The following TMEM132D variants were observed in gnomAD, a reference collection of about 807,000 sequenced individuals.
TMEM132D encodes mature OL transmembrane protein.
A neutral mutation model predicts 62.3 loss-of-function variants in TMEM132D; 21 were observed. The ratio of observed to expected loss-of-function variants is 0.34; its 90% confidence interval spans 0.24 to 0.49. TMEM132D has a LOEUF of 0.49. TMEM132D is among the 20% of genes least tolerant of loss of function. TMEM132D has a pLI of 0.99. For missense variants in TMEM132D, 1,346 were observed against 1,402.8 expected (o/e 0.96, Z 0.65); for synonymous variants, 621 against 575.6 (o/e 1.08, Z -1.13).
chr12:129,257,341 G>C (rs1880434041), intron 4 of TMEM132D, among the ~76,000 whole-genome samples: 1 of 151,854 alleles, frequency 6.6e-6, no homozygotes, highest in African/African-American at 2.4e-5. Context: ...CGAGTAGCTG[G>C]GACTACAGGC....
At chr12:129,495,439 C>A (rs1042843760) in intron 3 of TMEM132D, among the ~76,000 whole-genome samples, 3 of 152,130 alleles carry the variant, frequency 2.0e-5, no homozygotes, top group East Asian at 3.9e-4. Flanking sequence ...CAGAGGGTTA[C>A]ACAGCAGATG....
intron 4 of TMEM132D, among the ~76,000 whole-genome samples, chr12:129,231,558 T>C (rs2135578873): frequency 6.6e-6 from 1 of 152,340 alleles, no homozygotes; most frequent in South Asian, 2.1e-4. Context: ...GTCCACACTA[T>C]AACCACTTTG....
chr12:129,886,442 A>AT (rs1874750678), intron 1 of TMEM132D, among the ~76,000 whole-genome samples: 1 of 152,296 alleles, frequency 6.6e-6, no homozygotes, highest in African/African-American at 2.4e-5. Context: ...ATATCAGAAA[A>AT]TATACAGACG....
intron 2 of TMEM132D, among the ~76,000 whole-genome samples, chr12:129,611,935 C>A (rs1173975259): frequency 6.6e-6 from 1 of 152,128 alleles, no homozygotes; most frequent in African/African-American, 2.4e-5. Flanking sequence ...GAGAAACATC[C>A]CCAAGTCTCA....
intron 4 of TMEM132D, among the ~76,000 whole-genome samples, chr12:129,231,704 T>C (rs1399393944): frequency 1.3e-5 from 2 of 152,168 alleles, no homozygotes; most frequent in Admixed American, 6.5e-5. Flanking sequence ...GCTGAGGTCG[T>C]GGGTTCAATC....
intron 4 of TMEM132D, among the ~76,000 whole-genome samples, chr12:129,326,473 A>G (rs1013214012): frequency 6.6e-6 from 1 of 152,232 alleles, no homozygotes; most frequent in African/African-American, 2.4e-5. Context: ...AAAGAAGTAC[A>G]CTGCTTTGTG....
chr12:129,620,661 G>A (rs1879040468), intron 2 of TMEM132D, among the ~76,000 whole-genome samples: 5 of 152,170 alleles, frequency 3.3e-5, no homozygotes, highest in African/African-American at 1.2e-4. Flanking sequence ...ACAAGATCAT[G>A]TCCTTTGCAG....
intron 3 of TMEM132D, among the ~76,000 whole-genome samples, chr12:129,381,517 G>A (rs539247346): frequency 6.6e-6 from 1 of 152,178 alleles, no homozygotes; most frequent in Admixed American, 6.5e-5. Flanking sequence ...CATCTCATAG[G>A]TAAATTTTTA....
At chr12:129,553,608 T>C (rs1260624320) in intron 2 of TMEM132D, among the ~76,000 whole-genome samples, 4 of 152,174 alleles carry the variant, frequency 2.6e-5, no homozygotes, top group Admixed American at 2.6e-4. Context: ...GTTCCCACCA[T>C]GACTGTTTTC....
chr12:129,341,056 T>C (rs1195836377), intron 3 of TMEM132D, among the ~76,000 whole-genome samples: 1 of 152,232 alleles, frequency 6.6e-6, no homozygotes, highest in Non-Finnish European at 1.5e-5. Context: ...TATCTTAGTG[T>C]GACAGTGGGA....
chr12:129,126,452 G>A (rs1207088118), intron 5 of TMEM132D, among the ~76,000 whole-genome samples: 1 of 150,920 alleles, frequency 6.6e-6, no homozygotes, highest in Admixed American at 6.6e-5. Context: ...GAGAAACATC[G>A]AGAGCAGTGT....
At chr12:129,134,819 A>G (rs987844727) in intron 5 of TMEM132D, among the ~76,000 whole-genome samples, 2 of 152,130 alleles carry the variant, frequency 1.3e-5, no homozygotes, top group Admixed American at 1.3e-4. Flanking sequence ...TTCTTCTCCT[A>G]AAATAGATCT....
At chr12:129,207,306 T>C (rs1871759033) in intron 5 of TMEM132D, among the ~76,000 whole-genome samples, 1 of 151,408 alleles carries the variant, frequency 6.6e-6, no homozygotes, top group Non-Finnish European at 1.5e-5. Context: ...AGACGATGAA[T>C]ACAGCACCGC....
At chr12:129,264,981 A>G (rs1021856559) in intron 4 of TMEM132D, among the ~76,000 whole-genome samples, 1 of 152,150 alleles carries the variant, frequency 6.6e-6, no homozygotes, top group Admixed American at 6.5e-5. Flanking sequence ...TGCTTGGGTG[A>G]TGGGTGCACC....
intron 3 of TMEM132D, among the ~76,000 whole-genome samples, chr12:129,390,304 C>G (rs1871257547): frequency 6.6e-6 from 1 of 152,086 alleles, no homozygotes; most frequent in Non-Finnish European, 1.5e-5. Flanking sequence ...TTACAATGGC[C>G]CAGTTGAGTA....
chr12:129,719,512 C>A (rs1565961052), intron 1 of TMEM132D, among the ~76,000 whole-genome samples: 2 of 152,208 alleles, frequency 1.3e-5, no homozygotes, highest in African/African-American at 4.8e-5. Context: ...ATATGAGTGA[C>A]AGATGCAGGG....
At chr12:129,565,018 C>T (rs1565905774) in intron 2 of TMEM132D, among the ~76,000 whole-genome samples, 1 of 152,322 alleles carries the variant, frequency 6.6e-6, no homozygotes, top group East Asian at 1.9e-4. Context: ...ATTACTCACT[C>T]TGTGGTTAAA....
intron 1 of TMEM132D, among the ~76,000 whole-genome samples, chr12:129,895,612 C>T (rs1698371659): frequency 1.3e-5 from 2 of 152,326 alleles, no homozygotes; most frequent in African/African-American, 4.8e-5. Flanking sequence ...CTCGGGCATG[C>T]TGCCTGGTCA....
intron 1 of TMEM132D, among the ~76,000 whole-genome samples, chr12:129,714,196 C>A (rs1868482051): frequency 6.6e-6 from 1 of 152,216 alleles, no homozygotes; most frequent in Non-Finnish European, 1.5e-5. Flanking sequence ...TGAGCTCTTT[C>A]ACCTCATCCA....
Sources: allele counts gnomAD v4.1 joint callset (sites outside exome capture counted in the v4.1 genomes callset), GRCh38; gene constraint gnomAD v4.1.1; transcripts MANE v1.5; gene names NCBI Gene and HGNC (gene_info 2026-07-23, HGNC 2026-07-21).